B3GAT2: variants seen among roughly 807,000 people sequenced by gnomAD.
The protein encoded by B3GAT2 is beta-1,3-glucuronyltransferase 2, also known as galactosylgalactosylxylosylprotein 3-beta-glucuronosyltransferase 2.
Under a neutral mutation model 27.8 loss-of-function variants are expected in B3GAT2, and 26 were observed. That is an observed-to-expected ratio of 0.93 (90% CI 0.68 to 1.30). B3GAT2 has a LOEUF of 1.30. B3GAT2 is among the 50% of genes most tolerant of loss of function. The pLI is 0.00. For synonymous variants in B3GAT2, 218 were observed against 195.1 expected (o/e 1.12, Z -0.98); for missense variants, 458 against 459.0 (o/e 1.00, Z 0.02).
rs1201929001 is a variant in B3GAT2, at chr6:70,949,390, T to C, written c.591+6449A>G. 5.3e-5 allele frequency among the ~76,000 whole-genome samples: 8 copies of C among 152,084 alleles called. No individual in the cohort carries two copies. The East Asian group carries it at 5.8e-4, about 11-fold the overall frequency. ...ACAAACAACCCCATCAACAAGTGGG[T>C]GAAGGACATGAACAGACACTTCTCA... On this transcript the variant is annotated intron_variant, in intron 1 of 3. Coordinates refer to ENST00000230053, the MANE Select transcript of B3GAT2 (RefSeq NM_080742.3).
chr6:70,901,774 G>A (rs533040746), intron 1 of B3GAT2, among the ~76,000 whole-genome samples: 10 of 152,276 alleles, frequency 6.6e-5, no homozygotes, highest in African/African-American at 2.4e-4. Flanking sequence ...TTTGAAGTGG[G>A]AAACTGAAAA....
chr6:70,898,793 A>G (rs908309578), intron 1 of B3GAT2, among the ~76,000 whole-genome samples: 1 of 152,002 alleles, frequency 6.6e-6, no homozygotes, highest in Non-Finnish European at 1.5e-5. Context: ...CTAATTAGTC[A>G]TTTACATATG....
chr6:70,873,057 T>G (rs1771962204), intron 2 of B3GAT2, among the ~76,000 whole-genome samples: 1 of 152,084 alleles, frequency 6.6e-6, no homozygotes, highest in South Asian at 2.1e-4. Context: ...GATGACTGGT[T>G]TATGTAGCTG....
chr6:70,904,889 G>C (rs1178746169), intron 1 of B3GAT2, among the ~76,000 whole-genome samples: 1 of 152,066 alleles, frequency 6.6e-6, no homozygotes, highest in Non-Finnish European at 1.5e-5. Context: ...AGGTATGGCA[G>C]TCACTCCCTT....
At chr6:70,869,001 G>A (rs539362924) in intron 2 of B3GAT2, among the ~76,000 whole-genome samples, 3 of 152,166 alleles carry the variant, frequency 2.0e-5, no homozygotes, top group East Asian at 1.9e-4. Context: ...GATTAAGGGC[G>A]GTTTTAGCAT....
rs141282789 is a variant in B3GAT2, at chr6:70,858,051, C to T, written c.*3612G>A. 8 of 1,613,980 alleles carry T rather than the reference C, an allele frequency of 5.0e-6. No homozygotes were observed. In the African/African-American group the frequency reaches 1.1e-4, roughly 22 times the overall value. ...ATAGGAAATGTGATGGGACAGAGTC[C>T]AAGCATGATGGTGGGCATGCCCATG... On this transcript the variant is annotated 3_prime_UTR_variant, in exon 4 of 4. Coordinates refer to ENST00000230053, the MANE Select transcript of B3GAT2 (RefSeq NM_080742.3).
intron 1 of B3GAT2, 137 bp from the exon 2 acceptor site, chr6:70,894,409 T>A: frequency 1.0e-6 from 1 of 960,904 alleles, no homozygotes; most frequent in Non-Finnish European, 1.5e-6. Flanking sequence ...ACAGAATCCT[T>A]CTGCTGCTAG....
At chr6:70,868,057 A>G (rs1054813717) in intron 2 of B3GAT2, among the ~76,000 whole-genome samples, 1 of 152,188 alleles carries the variant, frequency 6.6e-6, no homozygotes, top group Non-Finnish European at 1.5e-5. Flanking sequence ...TCTGACTATC[A>G]CAATAGCTGG....
chr6:70,952,104 A>T (rs1765587477), intron 1 of B3GAT2, among the ~76,000 whole-genome samples: 1 of 152,186 alleles, frequency 6.6e-6, no homozygotes, highest in Non-Finnish European at 1.5e-5. Flanking sequence ...TCTGAAAAAA[A>T]AGCAAGACAG....
At chr6:70,872,859 A>C (rs1416780663) in intron 2 of B3GAT2, among the ~76,000 whole-genome samples, 1 of 151,818 alleles carries the variant, frequency 6.6e-6, no homozygotes, top group East Asian at 1.9e-4. Context: ...ATTTTCTTAG[A>C]GGTTGCCATG....
intron 2 of B3GAT2, among the ~76,000 whole-genome samples, chr6:70,875,674 T>C (rs1290367701): frequency 6.6e-6 from 1 of 152,230 alleles, no homozygotes; most frequent in Non-Finnish European, 1.5e-5. Context: ...CATGCCTTGG[T>C]TGTTAAACAG....
intron 2 of B3GAT2, among the ~76,000 whole-genome samples, chr6:70,893,163 C>T (rs1239062113): frequency 1.3e-5 from 2 of 152,198 alleles, no homozygotes; most frequent in Non-Finnish European, 2.9e-5. Flanking sequence ...ATTCTTCGTC[C>T]TCTGGCTCCC....
At chr6:70,955,397 C>T (rs1009140214) in intron 1 of B3GAT2, among the ~76,000 whole-genome samples, 3 of 151,786 alleles carry the variant, frequency 2.0e-5, no homozygotes, top group Non-Finnish European at 4.4e-5. Flanking sequence ...CGAGTAACAC[C>T]TAGCCTACCC....
At chr6:70,947,645 C>G (rs1325490889) in intron 1 of B3GAT2, among the ~76,000 whole-genome samples, 1 of 150,946 alleles carries the variant, frequency 6.6e-6, no homozygotes, top group African/African-American at 2.4e-5. Context: ...CGAATTCTAC[C>G]AGAGGTACAA....
At chr6:70,935,054 A>T (rs1378010810) in intron 1 of B3GAT2, among the ~76,000 whole-genome samples, 1 of 152,130 alleles carries the variant, frequency 6.6e-6, no homozygotes, top group Non-Finnish European at 1.5e-5. Flanking sequence ...GTCATTGTAG[A>T]TATGTGTAAT....
In B3GAT2 at chr6:70,860,356, C is replaced by T. The variant is rs776038003; in HGVS notation, c.*1307G>A. On this transcript the variant is annotated 3_prime_UTR_variant, in exon 4 of 4. Coordinates refer to ENST00000230053, the MANE Select transcript of B3GAT2 (RefSeq NM_080742.3). ...ATGAAAACTGCAATACAAGTTTCAT[C>T]CAGAACTACCACCTGACATTCCTTG... 16 of 1,593,582 alleles carry T rather than the reference C, an allele frequency of 1.0e-5. No homozygotes were observed. The Admixed American group carries it at 2.9e-4, about 28-fold the overall frequency.
chr6:70,883,460 CA>C (rs79996173), intron 2 of B3GAT2, among the ~76,000 whole-genome samples: 24,862 of 100,038 alleles, frequency 0.25, 2,367 homozygotes, highest in African/African-American at 0.35. Flanking sequence ...GCTCAATAAG[CA>C]AAAAAAAAAA....
Position 70,954,918 on chromosome 6 carries a change from G to GGGT in B3GAT2, c.591+920_591+921insACC, listed in dbSNP as rs1554218601. Among the ~76,000 whole-genome samples, 10 of 151,666 alleles carry GGGT rather than the reference G, an allele frequency of 6.6e-5. 1 individual carries two copies. Among genetic ancestry groups the GGGT allele is most frequent in the East Asian group, 5.8e-4 (3 of 5,138 alleles). On this transcript the variant is annotated intron_variant, in intron 1 of 3. Transcript: ENST00000230053. ...ACCCTGTGCCTGCCGGGGGCGGCGG[G>GGGT]GGGGGGCGGTGCGCGCGTGGCCATC... is the stretch of plus-strand genomic sequence containing the variant.
chr6:70,860,461 C>A lies in B3GAT2; in HGVS notation c.*1202G>T. On this transcript the variant is annotated 3_prime_UTR_variant, in exon 4 of 4. Coordinates refer to ENST00000230053, the MANE Select transcript of B3GAT2 (RefSeq NM_080742.3). The stretch of plus-strand genomic sequence containing the variant: ...CCCATTTGTTCATATTAAGAATGAT[C>A]TGATTGACCGTGTTGGTCTGTACTG... The A allele has an allele frequency of 3.5e-6, 4 of 1,146,830 alleles. No individual in the cohort carries two copies. The highest frequency in any genetic ancestry group is 3.0e-5 in the Admixed American group (1 of 32,858). The allele number at this position is 1,146,830 out of a possible 1,614,324, so 71.0% of individuals were successfully genotyped here.
Sources: gnomAD v4.1 joint callset for allele counts (sites outside exome capture counted in the v4.1 genomes callset) on GRCh38, gnomAD v4.1.1 for gene constraint, MANE v1.5 for transcripts, NCBI Gene and HGNC (gene_info 2026-07-23, HGNC 2026-07-21) for gene names.